BMAL2: variants seen among roughly 807,000 people sequenced by gnomAD.
BMAL2 encodes basic helix-loop-helix ARNT like 2.
At chr12:27,391,798 A>G in the BMAL2 span, among the ~76,000 whole-genome samples, 1 of 152,218 alleles carries the variant, frequency 6.6e-6, no homozygotes, top group Non-Finnish European at 1.5e-5. Flanking sequence ...TAAAGAAACA[A>G]AAATGGAAAT....
At chr12:27,406,616 A>T in the BMAL2 span, among the ~76,000 whole-genome samples, 8 of 152,234 alleles carry the variant, frequency 5.3e-5, no homozygotes, top group African/African-American at 1.9e-4. Flanking sequence ...GAAAGGAACA[A>T]CCAGTACCAG....
chr12:27,400,869 T>C, the BMAL2 span: 2 of 1,150,620 alleles, frequency 1.7e-6, no homozygotes, highest in Non-Finnish European at 2.4e-6. Flanking sequence ...TTCTTTTTCT[T>C]TTTTCTGTTT....
At chr12:27,383,349 A>C in the BMAL2 span, among the ~76,000 whole-genome samples, 3 of 151,508 alleles carry the variant, frequency 2.0e-5, no homozygotes, top group Non-Finnish European at 2.9e-5. Context: ...TGTCATTTTG[A>C]TTTTTTTTTA....
the BMAL2 span, among the ~76,000 whole-genome samples, chr12:27,359,025 C>T: frequency 2.0e-5 from 3 of 150,880 alleles, no homozygotes; most frequent in East Asian, 5.8e-4. Context: ...ATTTGGTTTC[C>T]GTTGTAACGC....
At chr12:27,423,190 CAT>C in the BMAL2 span, 2 of 152,006 alleles carry the variant, frequency 1.3e-5, no homozygotes, top group African/African-American at 2.4e-5. Flanking sequence ...TTAGAAGTGA[CAT>C]ATTTTTATGG....
the BMAL2 span, chr12:27,389,385 A>G: frequency 2.5e-6 from 2 of 796,130 alleles, no homozygotes; most frequent in East Asian, 5.1e-5. Flanking sequence ...AAAACAGCTA[A>G]CTAAGCTTTT....
chr12:27,365,426 G>A, the BMAL2 span, among the ~76,000 whole-genome samples: 1 of 151,990 alleles, frequency 6.6e-6, no homozygotes, highest in South Asian at 2.1e-4. Flanking sequence ...AGATTGGCCT[G>A]TAATTTTCCT....
At chr12:27,351,629 TC>T in the BMAL2 span, among the ~76,000 whole-genome samples, 1 of 152,152 alleles carries the variant, frequency 6.6e-6, no homozygotes, top group Admixed American at 6.5e-5. Flanking sequence ...CAGCCCCTGT[TC>T]CCCAGAGTCT....
chr12:27,354,926 C>T, the BMAL2 span, among the ~76,000 whole-genome samples: 1 of 152,008 alleles, frequency 6.6e-6, no homozygotes, highest in Non-Finnish European at 1.5e-5. Context: ...ATTAAATAGG[C>T]CAAAAATAAG....
chr12:27,387,226 A>G, the BMAL2 span: 2 of 1,601,348 alleles, frequency 1.2e-6, no homozygotes, highest in Non-Finnish European at 1.7e-6. Flanking sequence ...TTTAAATCCT[A>G]GACTGCAGAA....
the BMAL2 span, chr12:27,387,154 A>G: frequency 1.1e-6 from 1 of 888,896 alleles, no homozygotes; most frequent in Non-Finnish European, 1.8e-6. Flanking sequence ...CAGAATCTGA[A>G]TGTGTGTGTG....
the BMAL2 span, among the ~76,000 whole-genome samples, chr12:27,335,202 C>T: frequency 1.3e-5 from 2 of 151,990 alleles, no homozygotes; most frequent in African/African-American, 2.4e-5. Context: ...TTTTGTTTTG[C>T]TTTGTTTTGT....
the BMAL2 span, among the ~76,000 whole-genome samples, chr12:27,395,117 T>G: frequency 1.3e-5 from 2 of 152,162 alleles, no homozygotes; most frequent in South Asian, 4.1e-4. Flanking sequence ...GAGAAAGAAA[T>G]CTGAAAAGGC....
the BMAL2 span, among the ~76,000 whole-genome samples, chr12:27,364,988 C>T: frequency 6.6e-6 from 1 of 151,988 alleles, no homozygotes; most frequent in Non-Finnish European, 1.5e-5. Context: ...TTATATACAG[C>T]CAACTTGCTA....
chr12:27,414,895 A>G, the BMAL2 span, among the ~76,000 whole-genome samples: 1 of 152,222 alleles, frequency 6.6e-6, no homozygotes, highest in Middle Eastern at 3.2e-3. Flanking sequence ...AAAAAAAGAG[A>G]GAAGTCTCAA....
At chr12:27,378,483 C>A in the BMAL2 span, among the ~76,000 whole-genome samples, 8 of 152,144 alleles carry the variant, frequency 5.3e-5, no homozygotes, top group African/African-American at 1.7e-4. Flanking sequence ...AAGAGCAAGG[C>A]ATGGAGGAGA....
the BMAL2 span, among the ~76,000 whole-genome samples, chr12:27,379,626 A>G: frequency 6.6e-6 from 1 of 152,280 alleles, no homozygotes; most frequent in East Asian, 1.9e-4. Flanking sequence ...AGAGATCGCA[A>G]GAGAGAAGGA....
At chr12:27,422,439 C>T in the BMAL2 span, 1 of 152,222 alleles carries the variant, frequency 6.6e-6, no homozygotes, top group African/African-American at 2.4e-5. Context: ...TAATGACAAA[C>T]ATACCAACAG....
At chr12:27,337,493 T>A in the BMAL2 span, among the ~76,000 whole-genome samples, 4 of 152,190 alleles carry the variant, frequency 2.6e-5, no homozygotes, top group African/African-American at 7.2e-5. Context: ...ATGTACACTT[T>A]CCCACCTCCA....
Sources: allele counts gnomAD v4.1 joint callset (sites outside exome capture counted in the v4.1 genomes callset), GRCh38; gene constraint gnomAD v4.1.1; transcripts MANE v1.5; gene names NCBI Gene and HGNC (gene_info 2026-07-23, HGNC 2026-07-21).